The following CNTN5 variants were observed in gnomAD, a reference collection of about 807,000 sequenced individuals.
CNTN5 encodes contactin-5.
In CNTN5, 77 loss-of-function variants were observed where a neutral mutation model predicts 129.1. The observed-to-expected ratio is 0.60, with a 90% CI of 0.50 to 0.72. The LOEUF (loss-of-function observed/expected upper bound fraction) is 0.72. Ranked by LOEUF, CNTN5 falls within the 30% of genes least tolerant of loss-of-function variation. The pLI, the probability that CNTN5 is intolerant of heterozygous loss-of-function variation, is 0.00. For missense variants in CNTN5, 1,478 were observed against 1,328.8 expected, an observed-to-expected ratio of 1.11 and a Z score of -1.75; for synonymous variants, 509 against 465.6, an observed-to-expected ratio of 1.09 and a Z score of -1.20.
intron 3 of CNTN5, among the ~76,000 whole-genome samples, chr11:99,652,783 C>T (rs1216626407): frequency 6.6e-6 from 1 of 151,994 alleles, no homozygotes; most frequent in Admixed American, 6.6e-5. Context: ...TGTTATTAAA[C>T]AACTCACTGA....
At chr11:99,773,255 C>G (rs186549297) in intron 3 of CNTN5, among the ~76,000 whole-genome samples, 1 of 152,190 alleles carries the variant, frequency 6.6e-6, no homozygotes, top group East Asian at 1.9e-4. Flanking sequence ...GAGGAAAATT[C>G]TAGGTATCCA....
intron 3 of CNTN5, among the ~76,000 whole-genome samples, chr11:99,559,293 C>G (rs1021976153): frequency 6.6e-6 from 1 of 151,882 alleles, no homozygotes; most frequent in Non-Finnish European, 1.5e-5. Flanking sequence ...TGAAGAATAC[C>G]CTGATTGTAT....
intron 3 of CNTN5, among the ~76,000 whole-genome samples, chr11:99,627,966 A>C (rs1013181972): frequency 1.3e-5 from 2 of 149,868 alleles, no homozygotes; most frequent in Non-Finnish European, 3.0e-5. Context: ...TCAGCTACAA[A>C]TTGTAGGCAT....
intron 1 of CNTN5, among the ~76,000 whole-genome samples, chr11:99,169,890 G>C (rs551476310): frequency 6.6e-6 from 1 of 152,136 alleles, no homozygotes; most frequent in South Asian, 2.1e-4. Flanking sequence ...ACAGATAACT[G>C]AGTAAACATC....
chr11:99,214,359 A>C (rs139044288), intron 1 of CNTN5, among the ~76,000 whole-genome samples: 247 of 145,046 alleles, frequency 1.7e-3, no homozygotes, highest in African/African-American at 5.7e-3. Context: ...TCAGAAAATT[A>C]AGATACCAAA....
intron 1 of CNTN5, among the ~76,000 whole-genome samples, chr11:99,171,607 T>G (rs1005628545): frequency 6.6e-6 from 1 of 152,202 alleles, no homozygotes; most frequent in Admixed American, 6.5e-5. Flanking sequence ...AACAAGACAA[T>G]CAAGTCACCT....
chr11:99,783,520 C>T (rs1227907327), intron 3 of CNTN5, among the ~76,000 whole-genome samples: 4 of 63,858 alleles, frequency 6.3e-5, no homozygotes, highest in African/African-American at 1.2e-4. Flanking sequence ...CACATGCACA[C>T]GTATGTTTAT....
intron 3 of CNTN5, among the ~76,000 whole-genome samples, chr11:99,664,570 A>G (rs1952715940): frequency 6.6e-6 from 1 of 152,210 alleles, no homozygotes; most frequent in Non-Finnish European, 1.5e-5. Flanking sequence ...TCGTTTTGCT[A>G]TAACATTTTA....
chr11:99,091,549 G>T (rs1004520201), intron 1 of CNTN5, among the ~76,000 whole-genome samples: 15 of 152,204 alleles, frequency 9.9e-5, no homozygotes, highest in African/African-American at 3.6e-4. Context: ...ACCACCACTT[G>T]GGAGGAGCTG....
intron 3 of CNTN5, among the ~76,000 whole-genome samples, chr11:99,577,985 C>G (rs1450053833): frequency 4.4e-5 from 6 of 136,438 alleles, no homozygotes; most frequent in African/African-American, 1.1e-4. Flanking sequence ...CCCCTCCCCC[C>G]ACCCCACAAC....
intron 15 of CNTN5, among the ~76,000 whole-genome samples, chr11:100,213,477 C>G (rs897237206): frequency 5.9e-5 from 9 of 152,118 alleles, no homozygotes; most frequent in African/African-American, 2.2e-4. Context: ...TCTGACTTGA[C>G]TTTGATTTTT....
intron 1 of CNTN5, among the ~76,000 whole-genome samples, chr11:99,103,001 G>A (rs1250574266): frequency 3.3e-5 from 5 of 152,086 alleles, no homozygotes; most frequent in African/African-American, 4.8e-5. Flanking sequence ...CATGGCAGAA[G>A]GCAAAAGGCA....
chr11:99,690,755 GGAT>G (rs548339156), intron 3 of CNTN5, among the ~76,000 whole-genome samples: 4 of 152,002 alleles, frequency 2.6e-5, no homozygotes, highest in Non-Finnish European at 5.9e-5. Context: ...TTGGATATTA[GGAT>G]GATGATGGCC....
At chr11:99,285,610 A>G (rs1454289581) in intron 1 of CNTN5, among the ~76,000 whole-genome samples, 1 of 152,102 alleles carries the variant, frequency 6.6e-6, no homozygotes, top group Non-Finnish European at 1.5e-5. Flanking sequence ...AAAAAAAGAA[A>G]TGAAGATTCC....
chr11:99,034,297 G>A (rs1863578228), intron 1 of CNTN5, among the ~76,000 whole-genome samples: 1 of 152,088 alleles, frequency 6.6e-6, no homozygotes, highest in African/African-American at 2.4e-5. Flanking sequence ...ATGAGTTAGG[G>A]AGGATTCCCT....
At chr11:100,006,995 AACTCTT>A (rs1940233975) in intron 9 of CNTN5, among the ~76,000 whole-genome samples, 1 of 152,122 alleles carries the variant, frequency 6.6e-6, no homozygotes, top group Non-Finnish European at 1.5e-5. Context: ...TCTACATCAG[AACTCTT>A]GGGTAATGAG....
intron 6 of CNTN5, among the ~76,000 whole-genome samples, chr11:99,848,576 A>G (rs186512795): frequency 6.6e-6 from 1 of 152,166 alleles, no homozygotes; most frequent in Non-Finnish European, 1.5e-5. Context: ...TTAAAATCAG[A>G]CTAAATTTAT....
At chr11:99,617,203 T>C (rs553606111) in intron 3 of CNTN5, among the ~76,000 whole-genome samples, 6 of 152,326 alleles carry the variant, frequency 3.9e-5, no homozygotes, top group Admixed American at 2.0e-4. Flanking sequence ...TTTTAAGATA[T>C]GCTAACTAGT....
chr11:99,122,038 G>T (rs34938827), intron 1 of CNTN5, among the ~76,000 whole-genome samples: 1 of 151,644 alleles, frequency 6.6e-6, no homozygotes, highest in Non-Finnish European at 1.5e-5. Flanking sequence ...CAACATGCAG[G>T]TTTGTTACAC....
Sources: allele counts gnomAD v4.1 joint callset (sites outside exome capture counted in the v4.1 genomes callset), GRCh38; gene constraint gnomAD v4.1.1; transcripts MANE v1.5; gene names NCBI Gene and HGNC (gene_info 2026-07-23, HGNC 2026-07-21).